Variants in NAV1 observed in about 807,000 individuals in gnomAD.
NAV1 encodes pore membrane and/or filament interacting like protein 3.
In NAV1, 18 loss-of-function variants were observed where a neutral mutation model predicts 175.2. That is an observed-to-expected ratio of 0.10 (90% CI 0.07 to 0.15). The LOEUF is 0.15. NAV1 is among the 10% of genes least tolerant of loss of function. NAV1 has a pLI of 1.00. For synonymous variants in NAV1, 897 were observed against 978.7 expected (o/e 0.92, Z 1.56); for missense variants, 1,731 against 2,436.6 (o/e 0.71, Z 6.10).
intron 1 of NAV1, among the ~76,000 whole-genome samples, chr1:201,554,783 A>G (rs1665962540): frequency 6.6e-6 from 1 of 152,202 alleles, no homozygotes; most frequent in African/African-American, 2.4e-5. Context: ...CTGCCATAAC[A>G]AAGTACCACT....
chr1:201,714,239 C>T (rs1223365024), intron 2 of NAV1, among the ~76,000 whole-genome samples: 1 of 152,190 alleles, frequency 6.6e-6, no homozygotes, highest in Non-Finnish European at 1.5e-5. Flanking sequence ...CACCCCGGTG[C>T]ATTGTGGGAT....
chr1:201,597,918 G>A (rs746756316), intron 2 of NAV1, among the ~76,000 whole-genome samples: 2 of 152,216 alleles, frequency 1.3e-5, no homozygotes, highest in Non-Finnish European at 2.9e-5. Flanking sequence ...AGTCGGGGAA[G>A]TAGGCCCCAC....
Position 201,718,632 on chromosome 1 carries a change from A to G in NAV1, c.1103A>G (p.His368Arg), listed in dbSNP as rs367905827. The stretch of plus-strand genomic sequence containing the variant: ...ATGCGCAGCCCCAGCAAGCTCAGCC[A>G]TATCTCCCGCCTGGAGCTGGTCGAA... Residue 368 changes from histidine to arginine, a missense_variant, in exon 3 of 30, where the codon CAT (histidine) becomes CGT (arginine). His to Arg is a conservative substitution (Grantham distance 29). Coordinates refer to ENST00000367296, the Ensembl canonical transcript of NAV1. This position sits in a 1 kb window ranked among gnomAD's most constrained non-coding sequence, Gnocchi z 4.8. 3 of 1,614,160 alleles carry G rather than the reference A, an allele frequency of 1.9e-6. No homozygotes were observed. Among genetic ancestry groups the G allele is most frequent in the Non-Finnish European group, 2.5e-6 (3 of 1,180,018 alleles).
chr1:201,799,921 T>C (rs887648370), intron 15 of NAV1, among the ~76,000 whole-genome samples: 9 of 152,104 alleles, frequency 5.9e-5, no homozygotes, highest in Non-Finnish European at 1.3e-4. Context: ...ATATCTCAAC[T>C]AATTGAAACC....
At chr1:201,587,168 G>T (rs1667056272) in intron 1 of NAV1, among the ~76,000 whole-genome samples, 1 of 151,898 alleles carries the variant, frequency 6.6e-6, no homozygotes, top group Non-Finnish European at 1.5e-5. Context: ...CCACGGTTGT[G>T]CCACTGCACT....
At chr1:201,685,029 C>G (rs1558065176) in intron 1 of NAV1, among the ~76,000 whole-genome samples, 1 of 149,102 alleles carries the variant, frequency 6.7e-6, no homozygotes, top group Non-Finnish European at 1.5e-5. Flanking sequence ...GTAATCCCAA[C>G]TGTTTGGGGA....
chr1:201,776,335 C>CAAA (rs71138352), intron 3 of NAV1, among the ~76,000 whole-genome samples: 285 of 71,832 alleles, frequency 4.0e-3, no homozygotes, highest in African/African-American at 7.7e-3. Flanking sequence ...CCTGACTCTA[C>CAAA]AAAAAAAAAA....
At chr1:201,543,982 G>A (rs143495634) in intron 1 of NAV1, among the ~76,000 whole-genome samples, 60 of 152,290 alleles carry the variant, frequency 3.9e-4, no homozygotes, top group African/African-American at 1.1e-3. Flanking sequence ...CCCTCCAGCC[G>A]GAGGGGCCAC....
chr1:201,612,632 G>A (rs1322688366), intron 2 of NAV1, among the ~76,000 whole-genome samples: 1 of 152,198 alleles, frequency 6.6e-6, no homozygotes, highest in Non-Finnish European at 1.5e-5. Context: ...GTTCCTTCAA[G>A]TCTCTTTTAT....
chr1:201,756,881 T>TTTCTTTCTTTCC (rs1553267286), intron 3 of NAV1, among the ~76,000 whole-genome samples: 1 of 143,846 alleles, frequency 7.0e-6, no homozygotes, highest in African/African-American at 2.8e-5. Flanking sequence ...TCTTTCTTTC[T>TTTCTTTCTTTCC]TTCTCTGTCT....
In NAV1 at chr1:201,756,822, T is replaced by TTC. The variant is rs1553267191; in HGVS notation, c.1227-23597_1227-23596dup. On this transcript the variant is annotated intron_variant, in intron 3 of 29. Transcript: ENST00000367296. ...TTTCTTTCTTTCCTTCTTTCTTTCTTTCTTTCTTTCTTTCTTTCTTTCTTT... is the reference window on the plus strand; with the variant it reads ...TTTCTTTCTTTCCTTCTTTCTTTCTTTCTCTTTCTTTCTTTCTTTCTTTCTTT... Among the ~76,000 whole-genome samples, 32 of 24,828 alleles carry TTC rather than the reference T, an allele frequency of 1.3e-3. 2 individuals are homozygous for TTC. Among genetic ancestry groups the TTC allele is most frequent in the Admixed American group, 6.8e-3 (17 of 2,508 alleles). The allele number at this position is 24,828 out of a possible 152,430, so 16.3% of individuals were successfully genotyped here.
At chr1:201,550,061 C>T (rs1417267818) in intron 1 of NAV1, among the ~76,000 whole-genome samples, 1 of 150,442 alleles carries the variant, frequency 6.6e-6, no homozygotes, top group African/African-American at 2.4e-5. Flanking sequence ...CGGGCATGCT[C>T]ACCCAGAAAG....
At chr1:201,546,299 C>T (rs542734977) in intron 1 of NAV1, among the ~76,000 whole-genome samples, 1 of 152,154 alleles carries the variant, frequency 6.6e-6, no homozygotes. Flanking sequence ...GGGTATAGTT[C>T]GCTTTACCAA....
At chr1:201,759,505 A>C (rs1026697893) in intron 3 of NAV1, among the ~76,000 whole-genome samples, 3 of 152,224 alleles carry the variant, frequency 2.0e-5, no homozygotes, top group Non-Finnish European at 2.9e-5. Flanking sequence ...TAAATTATTT[A>C]AGGTGGTTTT....
intron 1 of NAV1, among the ~76,000 whole-genome samples, chr1:201,676,763 TTAA>T (rs1290710279): frequency 1.3e-5 from 2 of 152,188 alleles, no homozygotes; most frequent in Non-Finnish European, 2.9e-5. Flanking sequence ...AATTAGATAA[TTAA>T]TAATCATGTC....
At chr1:201,777,662 G>T (rs1676047070) in intron 3 of NAV1, among the ~76,000 whole-genome samples, 1 of 150,882 alleles carries the variant, frequency 6.6e-6, no homozygotes. Context: ...GTTGTTTAAA[G>T]AAAGAGGGCT....
At chr1:201,806,228 G>A (rs1241657839) in intron 17 of NAV1, among the ~76,000 whole-genome samples, 2 of 151,858 alleles carry the variant, frequency 1.3e-5, no homozygotes, top group Non-Finnish European at 2.9e-5. Context: ...CAGCTGATTC[G>A]CCCACCTCCG....
intron 15 of NAV1, chr1:201,798,695 C>CTTTTTTTTTTTTTTTTTTTT (rs764483919): frequency 1.4e-5 from 1 of 69,476 alleles, no homozygotes; most frequent in Non-Finnish European, 2.4e-5. Flanking sequence ...TTTTCTCTCT[C>CTTTTTTTTTTTTTTTTTTTT]TTTTTTTTTT....
chr1:201,578,915 C>T (rs1174617946), intron 1 of NAV1, among the ~76,000 whole-genome samples: 2 of 152,004 alleles, frequency 1.3e-5, no homozygotes, highest in Non-Finnish European at 2.9e-5. Context: ...AGTGGATCAC[C>T]TGAGGTCAGG....
Sources: allele counts gnomAD v4.1 joint callset (sites outside exome capture counted in the v4.1 genomes callset), GRCh38; gene constraint gnomAD v4.1.1; non-coding constraint Gnocchi (gnomAD v3.1); transcripts MANE v1.5; gene names NCBI Gene and HGNC (gene_info 2026-07-23, HGNC 2026-07-21).